CD300A: variants seen among roughly 807,000 people sequenced by gnomAD.
The protein encoded by CD300A is CMRF35-like molecule 8.
CD300A carries 22 observed loss-of-function variants against 33.6 expected under a neutral mutation model. The observed-to-expected ratio is 0.66, with a 90% confidence interval of 0.47 to 0.94. CD300A has a LOEUF of 0.94. CD300A is among the 40% of genes least tolerant of loss of function. The pLI is 0.00. For synonymous variants in CD300A, 136 were observed against 148.1 expected, an observed-to-expected ratio of 0.92 and a Z score of 0.59; for missense variants, 326 against 360.5, an observed-to-expected ratio of 0.90 and a Z score of 0.77.
At position 74,484,155 on chromosome 17, in the gene CD300A, C is replaced by T; in HGVS notation, c.*29C>T. 1 of 1,610,862 alleles carries T rather than the reference C, an allele frequency of 6.2e-7. No individual in the cohort carries two copies. Among genetic ancestry groups the T allele is most frequent in the Non-Finnish European group, 8.5e-7 (1 of 1,178,368 alleles). On this transcript the variant is annotated 3_prime_UTR_variant, in exon 7 of 7. Coordinates refer to ENST00000360141, the MANE Select transcript of CD300A (RefSeq NM_007261.4). ...TTTGTCCTGCCTCGCCATCGGAGCT[C>T]TCATGGGCCCCAGGAAGTCCAGGGA... is the stretch of plus-strand genomic sequence containing the variant.
At chr17:74,470,375 G>C (rs780323105) in intron 1 of CD300A, 2 of 374,474 alleles carry the variant, frequency 5.3e-6, no homozygotes, top group Non-Finnish European at 7.4e-6. Flanking sequence ...TCAGAGAAGA[G>C]AAGTTAATCA....
At chr17:74,474,288 G>A (rs1316939493) in intron 2 of CD300A, among the ~76,000 whole-genome samples, 2 of 152,102 alleles carry the variant, frequency 1.3e-5, no homozygotes, top group African/African-American at 2.4e-5. Context: ...ATGGAGTTTC[G>A]CAGGAGCACC....
chr17:74,482,732 T>TCCTTCCTTCCTTCCTTTCCTTCC (rs1555639394), intron 6 of CD300A, among the ~76,000 whole-genome samples: 1 of 132,948 alleles, frequency 7.5e-6, no homozygotes, highest in African/African-American at 3.8e-5. Flanking sequence ...CTTTCTTTCT[T>TCCTTCCTTCCTTCCTTTCCTTCC]TGGAATCTCG....
Position 74,481,748 on chromosome 17 carries a change from A to C in CD300A, c.689A>C (p.His230Pro), listed in dbSNP as rs967472009. ...CAGGCTGCCACGCAGAGTGAGCTGC[A>C]CTACGCAAATCTGGAGCTGCTGATG... Reference protein sequence around the residue: ...PKQAATQSELHYANLELLMWP... With the variant: ...PKQAATQSELPYANLELLMWP... The change falls in exon 6 of 7, where the codon CAC becomes CCC. Residue 230 changes from histidine (H) to proline (P), a missense_variant. Physicochemically the swap from His to Pro is moderately conservative, Grantham distance 77 (BLOSUM62 -2). Coordinates refer to ENST00000360141, the MANE Select transcript of CD300A (RefSeq NM_007261.4). 19 of 1,611,980 alleles carry C rather than the reference A, an allele frequency of 1.2e-5. No individual in the cohort carries two copies. Among genetic ancestry groups the C allele is most frequent in the Non-Finnish European group, 1.6e-5 (19 of 1,179,380 alleles).
chr17:74,474,959 CAT>C (rs1906368122), intron 3 of CD300A, among the ~76,000 whole-genome samples: 1 of 152,208 alleles, frequency 6.6e-6, no homozygotes, highest in Non-Finnish European at 1.5e-5. Flanking sequence ...AGATGCTTCA[CAT>C]GAGTATTCTC....
intron 3 of CD300A, 129 bp from the exon 4 acceptor site, chr17:74,477,307 A>G (rs1157545170): frequency 1.7e-5 from 10 of 589,820 alleles, no homozygotes; most frequent in Non-Finnish European, 2.4e-5. Flanking sequence ...AGCCATGATC[A>G]CCACTGCACT....
chr17:74,478,886 C>T (rs1228116120), intron 4 of CD300A, among the ~76,000 whole-genome samples: 1 of 152,196 alleles, frequency 6.6e-6, no homozygotes, highest in African/African-American at 2.4e-5. Flanking sequence ...AAACCACTTC[C>T]TCTTTCCCAT....
At chr17:74,478,989 G>A (rs1032962346) in intron 4 of CD300A, among the ~76,000 whole-genome samples, 2 of 152,166 alleles carry the variant, frequency 1.3e-5, no homozygotes, top group Middle Eastern at 3.4e-3. Flanking sequence ...AGCCCCTTTC[G>A]GTTTCCTTTG....
At chr17:74,473,260 G>A (rs72844388) in intron 1 of CD300A, among the ~76,000 whole-genome samples, 2,248 of 152,220 alleles carry the variant, frequency 0.015, 22 homozygotes, top group Admixed American at 0.024. Context: ...GGGGCTGAGG[G>A]CTGGGGGTGC....
chr17:74,472,696 G>A (rs988201533), intron 1 of CD300A, among the ~76,000 whole-genome samples: 1 of 149,674 alleles, frequency 6.7e-6, no homozygotes, highest in African/African-American at 2.5e-5. Context: ...CATAACCTCC[G>A]CCTCCAGGGT....
intron 6 of CD300A, 35 bp downstream of exon 6, chr17:74,481,868 C>G: frequency 6.5e-7 from 1 of 1,527,266 alleles, no homozygotes; most frequent in Non-Finnish European, 8.9e-7. Context: ...GGCATGCGGC[C>G]CCTGGGCTGT....
In CD300A at chr17:74,482,183, C is replaced by T. The variant is rs577068283; in HGVS notation, c.774+350C>T. 1.2e-4 allele frequency among the ~76,000 whole-genome samples: 9 copies of T among 75,324 alleles called. No homozygotes were observed. The East Asian group carries it at 2.6e-3, about 22-fold the overall frequency. The allele number at this position is 75,324 out of a possible 152,430, so 49.4% of individuals were successfully genotyped here. On this transcript the variant is annotated intron_variant, in intron 6 of 6. Transcript: ENST00000360141. ...ATCTCTTTGACATCAATTCTGCTTT[C>T]GGGTTTTTGTCTGTGACCCGCTGTG...
Position 74,474,552 on chromosome 17 carries a change from G to A in CD300A, c.400G>A (p.Ala134Thr). ...VFPASTSMTPASITAAKTSTI... is the reference protein window; with the variant it reads ...VFPASTSMTPTSITAAKTSTI... ...ACCAGCATCAACGTCAATGACACCT[G>A]CAAGTATCACTGCGGCCAAGACCTC... The change falls in exon 3 of 7, where the codon GCA (alanine) becomes ACA (threonine). Residue 134 changes from alanine to threonine, a missense_variant. Coordinates refer to ENST00000360141, the MANE Select transcript of CD300A (RefSeq NM_007261.4). 1 of 1,614,160 alleles carries A rather than the reference G, an allele frequency of 6.2e-7. No homozygotes were observed. The highest frequency in any genetic ancestry group is 1.1e-5 in the South Asian group (1 of 91,078).
intron 1 of CD300A, among the ~76,000 whole-genome samples, chr17:74,473,131 G>T (rs1161356916): frequency 1.3e-5 from 2 of 152,132 alleles, no homozygotes; most frequent in Non-Finnish European, 2.9e-5. Context: ...GTAAGGGAAA[G>T]GAGGCAGGGG....
chr17:74,471,702 A>G (rs1267931327), intron 1 of CD300A, among the ~76,000 whole-genome samples: 5 of 152,192 alleles, frequency 3.3e-5, no homozygotes, highest in Non-Finnish European at 7.3e-5. Context: ...CCTTCTCTGC[A>G]GGGGGATGTG....
chr17:74,476,995 G>A (rs1906508247), intron 3 of CD300A, among the ~76,000 whole-genome samples: 1 of 151,926 alleles, frequency 6.6e-6, no homozygotes, highest in Non-Finnish European at 1.5e-5. Flanking sequence ...ATTGGGGAAT[G>A]TGTAAATGGG....
rs1450672933 is a variant in CD300A, at chr17:74,480,591, C to T, written c.629-698C>T. On this transcript the variant is annotated intron_variant, in intron 4 of 6. Coordinates refer to ENST00000360141, the MANE Select transcript of CD300A (RefSeq NM_007261.4). This position sits in a 1 kb window ranked among gnomAD's most constrained non-coding sequence, Gnocchi z 4.2. ...AGGCACGGGGATGGGAGCAGAGGCC[C>T]CAGCAACTTCCCACAGTCTGATGCA... Among the ~76,000 whole-genome samples the T allele has an allele frequency of 1.3e-5, 2 of 152,148 alleles. No homozygotes were observed. Among genetic ancestry groups the T allele is most frequent in the Non-Finnish European group, 1.5e-5 (1 of 68,026 alleles).
intron 4 of CD300A, 121 bp from the exon 5 acceptor site, chr17:74,481,167 GA>G: frequency 1.2e-6 from 1 of 830,574 alleles, no homozygotes; most frequent in Non-Finnish European, 2.0e-6. Flanking sequence ...CTTCAGGCCT[GA>G]AGGGATAGGT....
chr17:74,470,613 C>T (rs1906035385), intron 1 of CD300A, among the ~76,000 whole-genome samples: 1 of 151,940 alleles, frequency 6.6e-6, no homozygotes, highest in Admixed American at 6.6e-5. Context: ...GGAGCAGGAA[C>T]AGTGTCTTGG....
Sources: allele counts gnomAD v4.1 joint callset (sites outside exome capture counted in the v4.1 genomes callset), GRCh38; gene constraint gnomAD v4.1.1; non-coding constraint Gnocchi (gnomAD v3.1); transcripts MANE v1.5; gene names NCBI Gene and HGNC (gene_info 2026-07-23, HGNC 2026-07-21).